OR3A2: variants seen among roughly 807,000 people sequenced by gnomAD.
OR3A2 encodes olfactory receptor 3A2.
For missense variants in OR3A2, 318 were observed against 392.8 expected, an observed-to-expected ratio of 0.81 and a Z score of 1.61; for synonymous variants, 126 against 159.3, an observed-to-expected ratio of 0.79 and a Z score of 1.57.
intron 2 of OR3A2, among the ~76,000 whole-genome samples, chr17:3,379,317 G>A (rs950360234): frequency 1.3e-5 from 2 of 152,092 alleles, no homozygotes; most frequent in African/African-American, 4.8e-5. Context: ...GGCCAATGAG[G>A]ACACGACAGT....
intron 2 of OR3A2, among the ~76,000 whole-genome samples, chr17:3,370,601 G>A (rs939904857): frequency 6.6e-6 from 1 of 151,190 alleles, no homozygotes. Context: ...GTTCCTTAAG[G>A]TGTGAACTTA....
At chr17:3,326,998 A>G (rs374447267) in intron 3 of OR3A2, among the ~76,000 whole-genome samples, 3 of 82,070 alleles carry the variant, frequency 3.7e-5, no homozygotes, top group Non-Finnish European at 6.4e-5. Flanking sequence ...ATTGTGAATA[A>G]TGCCGCAATA....
chr17:3,353,970 G>T (rs368352766), intron 2 of OR3A2, among the ~76,000 whole-genome samples: 2 of 151,476 alleles, frequency 1.3e-5, no homozygotes, highest in East Asian at 3.9e-4. Flanking sequence ...TGCTGGGAAG[G>T]GTATCACATT....
At position 3,311,479 on chromosome 17, in the gene OR3A2, G is replaced by A; in HGVS notation, c.-85+24554C>T. On this transcript the variant is annotated intron_variant, in intron 3 of 4. Coordinates refer to the OR3A2 transcript ENST00000573491. This position sits in a 1 kb window ranked among gnomAD's most constrained non-coding sequence, Gnocchi z 4.6. ...CATCAATGCTCTGACTCACACAGTG[G>A]CTGTGTCTGCGCTTGACTTCTGTGG... 1 of 441,002 alleles carries A rather than the reference G, an allele frequency of 2.3e-6. No individual in the cohort carries two copies. Among genetic ancestry groups the A allele is most frequent in the Non-Finnish European group, 4.6e-6 (1 of 215,884 alleles). The allele number at this position is 441,002 out of a possible 1,614,324, so 27.3% of individuals were successfully genotyped here.
chr17:3,296,010 G>A (rs2048915578), intron 3 of OR3A2, among the ~76,000 whole-genome samples: 2 of 152,016 alleles, frequency 1.3e-5, no homozygotes, highest in South Asian at 2.1e-4. Context: ...GAATAAAGGC[G>A]ATAAAAACCT....
chr17:3,378,962 A>G (rs1567573572), intron 2 of OR3A2, among the ~76,000 whole-genome samples: 1 of 152,062 alleles, frequency 6.6e-6, no homozygotes, highest in South Asian at 2.1e-4. Context: ...ACTCCTCTCA[A>G]TTTACCAGGG....
chr17:3,292,157 T>C (rs148928717), intron 3 of OR3A2: 35 of 1,614,170 alleles, frequency 2.2e-5, no homozygotes, highest in Non-Finnish European at 3.0e-5. Context: ...TCCTCTGGAC[T>C]GTCTGACTCA....
Position 3,358,477 on chromosome 17 carries a change from C to G in OR3A2, c.-178-22351G>C, listed in dbSNP as rs535690613. Among the ~76,000 whole-genome samples the G allele has an allele frequency of 2.6e-5, 4 of 151,788 alleles. No homozygotes were observed. The South Asian group carries it at 8.3e-4, about 32-fold the overall frequency. On this transcript the variant is annotated intron_variant, in intron 2 of 4. Coordinates refer to the OR3A2 transcript ENST00000573491. ...TCCCAGAAATTCTGCTATGTTGTAT[C>G]TTTGTTCTCATTAGTTTCAAAGACA...
At chr17:3,375,244 TTCCCC>T (rs1445750821) in intron 2 of OR3A2, among the ~76,000 whole-genome samples, 1 of 76,192 alleles carries the variant, frequency 1.3e-5, no homozygotes, top group Non-Finnish European at 2.3e-5. Flanking sequence ...TTTTTTTTTT[TTCCCC>T]CCCTTTTTGA....
At chr17:3,335,504 T>C (rs2049269785) in intron 3 of OR3A2, among the ~76,000 whole-genome samples, 1 of 152,166 alleles carries the variant, frequency 6.6e-6, no homozygotes, top group Non-Finnish European at 1.5e-5. Flanking sequence ...TGGTATTTAA[T>C]TTATGCATAT....
intron 2 of OR3A2, among the ~76,000 whole-genome samples, chr17:3,377,922 C>T (rs546305324): frequency 2.6e-5 from 4 of 152,282 alleles, no homozygotes; most frequent in Non-Finnish European, 5.9e-5. Context: ...CACCTTTTGA[C>T]CCAGCAGTTC....
intron 2 of OR3A2, among the ~76,000 whole-genome samples, chr17:3,371,689 C>A (rs1400192075): frequency 8.5e-6 from 1 of 118,100 alleles, no homozygotes. Flanking sequence ...GCTGGCCGGG[C>A]GGGGGTGCTG....
upstream of OR3A2, among the ~76,000 whole-genome samples, chr17:3,286,753 T>C (rs56984176): frequency 0.023 from 3,451 of 152,088 alleles, 139 homozygotes; most frequent in African/African-American, 0.078. Context: ...TATCCTTCGC[T>C]CACTTTTTGA....
At chr17:3,300,611 T>G (rs1280340603) in intron 3 of OR3A2, among the ~76,000 whole-genome samples, 3 of 152,186 alleles carry the variant, frequency 2.0e-5, no homozygotes, top group East Asian at 1.9e-4. Flanking sequence ...GAGACACTAT[T>G]TTACATGTAC....
intron 3 of OR3A2, among the ~76,000 whole-genome samples, chr17:3,313,109 G>A (rs1436868083): frequency 1.3e-5 from 2 of 152,152 alleles, no homozygotes; most frequent in Non-Finnish European, 2.9e-5. Flanking sequence ...GTGAAATTAC[G>A]GCAATCCAGA....
chr17:3,324,575 A>T (rs1206232137), intron 3 of OR3A2, among the ~76,000 whole-genome samples: 1 of 152,042 alleles, frequency 6.6e-6, no homozygotes, highest in Non-Finnish European at 1.5e-5. Flanking sequence ...TTTCCTTCTA[A>T]CAGACAGGAC....
At chr17:3,307,848 T>C (rs73977665) in intron 3 of OR3A2, among the ~76,000 whole-genome samples, 3,503 of 152,260 alleles carry the variant, frequency 0.023, 143 homozygotes, top group African/African-American at 0.079. Context: ...CCCAGCCCCA[T>C]GCTGCAGGCC....
chr17:3,362,299 TTC>T (rs1449973218), intron 2 of OR3A2, among the ~76,000 whole-genome samples: 2 of 151,634 alleles, frequency 1.3e-5, no homozygotes, highest in Admixed American at 6.6e-5. Context: ...TATTTGATTA[TTC>T]TCTCTTTTCT....
chr17:3,300,142 T>C (rs2048951063), intron 3 of OR3A2, among the ~76,000 whole-genome samples: 1 of 152,146 alleles, frequency 6.6e-6, no homozygotes, highest in South Asian at 2.1e-4. Context: ...CCCTCTTTTT[T>C]TTTTTTAATC....
Sources: allele counts gnomAD v4.1 joint callset (sites outside exome capture counted in the v4.1 genomes callset), GRCh38; gene constraint gnomAD v4.1.1; non-coding constraint Gnocchi (gnomAD v3.1); transcripts MANE v1.5; gene names NCBI Gene and HGNC (gene_info 2026-07-23, HGNC 2026-07-21).